Variants in XDH observed in about 807,000 individuals in gnomAD.
XDH encodes the protein xanthine dehydrogenase/oxidase.
Under a neutral mutation model 156.1 loss-of-function variants are expected in XDH, and 138 were observed. The ratio of observed to expected loss-of-function variants is 0.88; its 90% CI spans 0.77 to 1.02. The LOEUF (loss-of-function observed/expected upper bound fraction) is 1.02. Among genes scored for constraint, XDH ranks in the 50% least tolerant of loss-of-function variants. The probability of loss-of-function intolerance (pLI) is 0.00; values close to 1 mark genes in which losing one functional copy is unlikely to be tolerated. For missense variants in XDH, 1,849 were observed against 1,684.9 expected, an observed-to-expected ratio of 1.10 and a Z score of -1.71; for synonymous variants, 669 against 625.7, an observed-to-expected ratio of 1.07 and a Z score of -1.03.
chr2:31,414,276 A>G (rs1687417452), intron 1 of XDH, among the ~76,000 whole-genome samples: 1 of 152,090 alleles, frequency 6.6e-6, no homozygotes, highest in Admixed American at 6.5e-5. Flanking sequence ...AGACAGAAAT[A>G]GAAGTGTGGT....
At chr2:31,387,765 C>T in intron 8 of XDH, 46 bp downstream of exon 8, 2 of 1,522,026 alleles carry the variant, frequency 1.3e-6, no homozygotes, top group East Asian at 2.4e-5. Context: ...TTTCCAGGGA[C>T]TCACAGTACA....
intron 6 of XDH, among the ~76,000 whole-genome samples, chr2:31,395,730 C>T (rs1686884651): frequency 1.3e-5 from 2 of 152,192 alleles, no homozygotes; most frequent in African/African-American, 4.8e-5. Flanking sequence ...GCCGTGTCTG[C>T]CTGTCTGTCT....
At chr2:31,364,084 G>C in intron 24 of XDH, 74 bp downstream of exon 24, 1 of 1,406,906 alleles carries the variant, frequency 7.1e-7, no homozygotes, top group South Asian at 1.2e-5. Context: ...GACTGGGGAG[G>C]CCTGTGCCTG....
chr2:31,336,446 C>T (rs1016170905), intron 35 of XDH, among the ~76,000 whole-genome samples: 19 of 152,060 alleles, frequency 1.2e-4, no homozygotes, highest in African/African-American at 4.6e-4. Context: ...TGGCAAAGAG[C>T]TCGCCTTGCA....
chr2:31,375,178 C>T (rs1686210979), intron 15 of XDH, among the ~76,000 whole-genome samples: 1 of 151,896 alleles, frequency 6.6e-6, no homozygotes. Flanking sequence ...GGGCAAGAAC[C>T]TCTGTCGCCA....
intron 22 of XDH, 81 bp from the exon 23 acceptor site, chr2:31,365,625 G>T: frequency 6.5e-7 from 1 of 1,541,768 alleles, no homozygotes; most frequent in Non-Finnish European, 9.0e-7. Flanking sequence ...AAAAACAGCC[G>T]GGAAGCCATC....
intron 34 of XDH, 58 bp downstream of exon 34, chr2:31,339,431 G>T (rs144099349): frequency 6.2e-7 from 1 of 1,609,278 alleles, no homozygotes; most frequent in Non-Finnish European, 8.5e-7. Flanking sequence ...CTCATCACCC[G>T]CTGGGGCCTC....
rs1558679992 is a variant in XDH, at chr2:31,350,134, G to C, written c.2721C>G (p.Pro907=). ...CAAAGCCCCGGAAGGCCGTGTTGGA[G>C]GGAAGGTTGGTTTTGCACAGCCGCC... ...GTGRLCKTNL[P]SNTAFRGFGG... The change falls in exon 25 of 36, where the codon CCC becomes CCG. Residue 907 remains proline (P), a synonymous_variant. Coordinates refer to ENST00000379416, the MANE Select transcript of XDH (RefSeq NM_000379.4). 6.2e-7 allele frequency: 1 copy of C among 1,614,216 alleles called. No homozygotes were observed. Among genetic ancestry groups the C allele is most frequent in the Non-Finnish European group, 8.5e-7 (1 of 1,180,042 alleles).
rs1045936761 is a variant in XDH, at chr2:31,339,374, C to T, written c.3774+115G>A. Reference sequence around the variant, plus strand: ...GGTCAGTGTCAAACCATCTTCCCTCCTCAAGATATGCCCTTTGAAGTCCCA... The same window carrying T: ...GGTCAGTGTCAAACCATCTTCCCTCTTCAAGATATGCCCTTTGAAGTCCCA... On this transcript the variant is annotated intron_variant, in intron 34 of 35. Coordinates refer to ENST00000379416, the MANE Select transcript of XDH (RefSeq NM_000379.4). 3.7e-5 allele frequency: 52 copies of T among 1,416,178 alleles called. No individual in the cohort carries two copies. In the African/African-American group the frequency reaches 6.8e-4, roughly 18 times the overall value. 87.7% of individuals were successfully genotyped at this position (1,416,178 alleles called of 1,614,324 possible). A position where few individuals can be genotyped will look rare whatever the true frequency, so the allele number is the denominator to read the frequency against.
At chr2:31,396,139 CCTTTTGTGTGT>C (rs1686897162) in intron 6 of XDH, among the ~76,000 whole-genome samples, 1 of 152,166 alleles carries the variant, frequency 6.6e-6, no homozygotes, top group Non-Finnish European at 1.5e-5. Flanking sequence ...CTTCTGAGCA[CCTTTTGTGTGT>C]CAGGCATTTT....
chr2:31,358,642 T>C (rs1307895440), intron 24 of XDH, among the ~76,000 whole-genome samples: 1 of 152,054 alleles, frequency 6.6e-6, no homozygotes, highest in Non-Finnish European at 1.5e-5. Context: ...ATTAACAAGC[T>C]AAAGAAGAAA....
intron 1 of XDH, 47 bp from the exon 2 acceptor site, chr2:31,406,011 A>T: frequency 6.3e-7 from 1 of 1,590,082 alleles, no homozygotes; most frequent in East Asian, 2.2e-5. Context: ...ATACTTAGTC[A>T]TCTTTCTGCA....
At chr2:31,343,847 T>G (rs1387081009) in intron 31 of XDH, among the ~76,000 whole-genome samples, 1 of 143,734 alleles carries the variant, frequency 7.0e-6, no homozygotes. Context: ...TATATTCATA[T>G]ACATACGGAA....
At chr2:31,381,567 G>T in intron 12 of XDH, 66 bp downstream of exon 12, 2 of 1,503,278 alleles carry the variant, frequency 1.3e-6, no homozygotes, top group Admixed American at 3.4e-5. Context: ...TCCAGAAAAT[G>T]ACCTATCTGG....
At chr2:31,396,886 A>T (rs1410131813) in intron 6 of XDH, among the ~76,000 whole-genome samples, 1 of 152,190 alleles carries the variant, frequency 6.6e-6, no homozygotes, top group East Asian at 1.9e-4. Context: ...TTATACGATT[A>T]TACAGACACA....
At position 31,388,241 on chromosome 2, in the gene XDH, T is replaced by A; in HGVS notation, c.550A>T (p.Lys184Ter). ...AACTCACTTACTGAGTGGTCTTTCT[T>A]CTGGTTCATGCAGCAATTTGGATTA... ...GNNPNCCMNQ[K>*]KDHSVSLSPS... The change falls in exon 7 of 36, where the codon AAG becomes TAG. Residue 184 changes from lysine to a stop codon, truncating the protein, a stop_gained. Coordinates refer to ENST00000379416, the MANE Select transcript of XDH (RefSeq NM_000379.4). LOFTEE classifies it high-confidence loss of function. The A allele has an allele frequency of 6.2e-7, 1 of 1,614,206 alleles. No homozygotes were observed. The highest frequency in any genetic ancestry group is 8.5e-7 in the Non-Finnish European group (1 of 1,180,030).
intron 24 of XDH, among the ~76,000 whole-genome samples, chr2:31,353,591 C>G (rs1293892240): frequency 1.4e-4 from 21 of 152,144 alleles, no homozygotes; most frequent in Admixed American, 1.4e-3. Flanking sequence ...CTATATATCC[C>G]AGACTTGGGG....
At chr2:31,373,324 A>G (rs1686129214) in intron 16 of XDH, among the ~76,000 whole-genome samples, 1 of 152,230 alleles carries the variant, frequency 6.6e-6, no homozygotes, top group African/African-American at 2.4e-5. Context: ...GGGCCAACAC[A>G]AGCCCACTGC....
chr2:31,354,326 A>G (rs1447763195), intron 24 of XDH, among the ~76,000 whole-genome samples: 1 of 152,208 alleles, frequency 6.6e-6, no homozygotes, highest in Non-Finnish European at 1.5e-5. Flanking sequence ...CACCACCATC[A>G]TCTGTACATT....
Sources: allele counts gnomAD v4.1 joint callset (sites outside exome capture counted in the v4.1 genomes callset), GRCh38; gene constraint gnomAD v4.1.1; transcripts MANE v1.5; gene names NCBI Gene and HGNC (gene_info 2026-07-23, HGNC 2026-07-21).